The following ZNF766 variants were observed in gnomAD, a reference collection of about 807,000 sequenced individuals.
ZNF766 encodes zinc finger protein 766.
ZNF766 carries 13 observed loss-of-function variants against 13.2 expected under a neutral mutation model. That is an observed-to-expected ratio of 0.98 (90% confidence interval 0.64 to 1.56). The LOEUF (loss-of-function observed/expected upper bound fraction) is 1.56. Among genes scored for constraint, ZNF766 ranks in the 40% most tolerant of loss-of-function variants. The pLI is 0.00. For synonymous variants in ZNF766, 178 were observed against 187.6 expected, an observed-to-expected ratio of 0.95 and a Z score of 0.42; for missense variants, 521 against 552.2, an observed-to-expected ratio of 0.94 and a Z score of 0.57.
Position 52,292,267 on chromosome 19 carries a change from T to C in ZNF766, c.*1069T>C. ...GGACACTGCCTTTTCAGATTAAAGA[T>C]TGTCTGATTTAGAGACCATGGAGGT... On this transcript the variant is annotated 3_prime_UTR_variant, in exon 4 of 4. Coordinates refer to ENST00000439461, the MANE Select transcript of ZNF766 (RefSeq NM_001010851.3). 2 of 688,774 alleles carry C rather than the reference T, an allele frequency of 2.9e-6. No homozygotes were observed. Among genetic ancestry groups the C allele is most frequent in the Non-Finnish European group, 5.3e-6 (2 of 380,222 alleles). The allele number at this position is 688,774 out of a possible 1,614,324, so 42.7% of individuals were successfully genotyped here. A position where few individuals can be genotyped will look rare whatever the true frequency, so the allele number is the denominator to read the frequency against.
At chr19:52,284,051 T>A (rs1981685263) in intron 3 of ZNF766, among the ~76,000 whole-genome samples, 1 of 152,180 alleles carries the variant, frequency 6.6e-6, no homozygotes, top group East Asian at 1.9e-4. Flanking sequence ...GTCGTTTAGA[T>A]GTGTAATAGT....
intron 1 of ZNF766, 42 bp downstream of exon 1, chr19:52,269,673 G>C: frequency 6.2e-7 from 1 of 1,610,798 alleles, no homozygotes; most frequent in Non-Finnish European, 8.5e-7. Flanking sequence ...GCTTAGCGGT[G>C]CCCTCACGCT....
intron 1 of ZNF766, among the ~76,000 whole-genome samples, chr19:52,270,209 T>A (rs1237670574): frequency 6.6e-6 from 1 of 152,036 alleles, no homozygotes; most frequent in African/African-American, 2.4e-5. Context: ...ACTGTGCTCT[T>A]GAGGAGGTGG....
chr19:52,287,354 G>T (rs1240958696), intron 3 of ZNF766, among the ~76,000 whole-genome samples: 2 of 151,390 alleles, frequency 1.3e-5, no homozygotes, highest in East Asian at 3.9e-4. Flanking sequence ...TGTTGGTCAG[G>T]CTGGTCTTGA....
chr19:52,286,321 TC>T (rs202168976), intron 3 of ZNF766, among the ~76,000 whole-genome samples: 14,446 of 147,006 alleles, frequency 0.098, 1,294 homozygotes, highest in African/African-American at 0.23. Flanking sequence ...TGTTTTTCTT[TC>T]TTTTTTTTTT....
Position 52,290,531 on chromosome 19 carries a change from A to C in ZNF766, c.740A>C (p.Glu247Ala), listed in dbSNP as rs775626096. ...RTGEKPYKCK[E>A]CGKLFNRIAY... is the part of the protein sequence containing the mutation. ...GGAGAGAAACCTTACAAATGTAAAG[A>C]GTGTGGCAAGCTCTTCAATCGAATT... Residue 247 changes from glutamate (E) to alanine (A), a missense_variant, in exon 4 of 4, where the codon GAG becomes GCG. Transcript: ENST00000439461. 1.9e-6 allele frequency: 3 copies of C among 1,614,202 alleles called. No individual in the cohort carries two copies. The highest frequency in any genetic ancestry group is 2.2e-5 in the South Asian group (2 of 91,090).
intron 3 of ZNF766, 89 bp from the exon 4 acceptor site, chr19:52,289,977 G>C: frequency 1.4e-6 from 2 of 1,382,966 alleles, no homozygotes; most frequent in Admixed American, 4.8e-5. Context: ...CTCCAGCCTG[G>C]GTGGCAAAGC....
rs772440847 is a variant in ZNF766, at chr19:52,295,828, C to G, written c.*4630C>G. The G allele has an allele frequency of 6.6e-6, 1 of 151,196 alleles. No individual in the cohort carries two copies. The highest frequency in any genetic ancestry group is 2.5e-5 in the African/African-American group (1 of 40,770). The allele number at this position is 151,196 out of a possible 1,614,324, so 9.4% of individuals were successfully genotyped here. The stretch of plus-strand genomic sequence containing the variant: ...CTTCACCTCCCGGGAGCATGCTGCT[C>G]TATCTTTTTTTTCAGATGTTTGAGC... On this transcript the variant is annotated 3_prime_UTR_variant, in exon 4 of 4. Transcript: ENST00000439461.
rs760900436 is a variant in ZNF766, at chr19:52,290,536, G to C, written c.745G>C (p.Gly249Arg). Reference protein sequence around the residue: ...GEKPYKCKECGKLFNRIAYLA... With the variant: ...GEKPYKCKECRKLFNRIAYLA... ...GAAACCTTACAAATGTAAAGAGTGTGGCAAGCTCTTCAATCGAATTGCATA... is the reference window on the plus strand; with the variant it reads ...GAAACCTTACAAATGTAAAGAGTGTCGCAAGCTCTTCAATCGAATTGCATA... Residue 249 changes from glycine to arginine, a missense_variant, in exon 4 of 4, where the codon GGC becomes CGC. Physicochemically the swap from Gly to Arg is moderately radical, Grantham distance 125 (BLOSUM62 -2). Coordinates refer to ENST00000439461, the MANE Select transcript of ZNF766 (RefSeq NM_001010851.3). 1 of 1,614,118 alleles carries C rather than the reference G, an allele frequency of 6.2e-7. No individual in the cohort carries two copies. Among genetic ancestry groups the C allele is most frequent in the Non-Finnish European group, 8.5e-7 (1 of 1,180,018 alleles).
In ZNF766 at chr19:52,295,051, A is replaced by G. The variant is rs1198375532; in HGVS notation, c.*3853A>G. The G allele has an allele frequency of 2.6e-5, 4 of 151,732 alleles. No homozygotes were observed. Among genetic ancestry groups the G allele is most frequent in the Non-Finnish European group, 5.9e-5 (4 of 67,962 alleles). The allele number at this position is 151,732 out of a possible 1,614,324, so 9.4% of individuals were successfully genotyped here. On this transcript the variant is annotated 3_prime_UTR_variant, in exon 4 of 4. Coordinates refer to ENST00000439461, the MANE Select transcript of ZNF766 (RefSeq NM_001010851.3). ...CATTTTCCCGTTACAGCATCAAGCA[A>G]TATATTCCATGGTTCATTTTCAACT...
intron 1 of ZNF766, among the ~76,000 whole-genome samples, 179 bp downstream of exon 1, chr19:52,269,810 G>T (rs1257647012): frequency 6.6e-6 from 1 of 152,184 alleles, no homozygotes; most frequent in African/African-American, 2.4e-5. Flanking sequence ...GTCTCCGGTC[G>T]TTCTGCCGTA....
chr19:52,270,996 C>T (rs1980950260), intron 1 of ZNF766, among the ~76,000 whole-genome samples: 1 of 152,102 alleles, frequency 6.6e-6, no homozygotes, highest in Admixed American at 6.5e-5. Context: ...GTTGGCCTGA[C>T]GGGTCGTGAA....
In ZNF766 at chr19:52,283,406, C is replaced by A; in HGVS notation, c.267C>A (p.Ile89=). The change falls in exon 3 of 4, where the codon ATC becomes ATA. Residue 89 remains isoleucine, a synonymous_variant. Coordinates refer to ENST00000439461, the MANE Select transcript of ZNF766 (RefSeq NM_001010851.3). ...ATAGGTGGGAAGGTATCAAAGATAT[C>A]AACACAGGTAAGAGCTCAGATGGAC... ...NPDRWEGIKD[I]NTGRSCAVRS... 6.3e-7 allele frequency: 1 copy of A among 1,590,042 alleles called. No individual in the cohort carries two copies.
chr19:52,276,842 G>T (rs891505280), intron 1 of ZNF766, among the ~76,000 whole-genome samples: 1 of 152,172 alleles, frequency 6.6e-6, no homozygotes, highest in Non-Finnish European at 1.5e-5. Context: ...AAGAGGTGAG[G>T]GGGTGCTGTG....
chr19:52,269,856 T>G (rs949605618), intron 1 of ZNF766, among the ~76,000 whole-genome samples: 8 of 152,164 alleles, frequency 5.3e-5, no homozygotes, highest in African/African-American at 1.9e-4. Context: ...GCCGTTTTCC[T>G]GCTTAAAACC....
chr19:52,289,651 A>G (rs2122491267), intron 3 of ZNF766, among the ~76,000 whole-genome samples: 1 of 152,142 alleles, frequency 6.6e-6, no homozygotes, highest in East Asian at 1.9e-4. Flanking sequence ...CTATGCTGAT[A>G]TTTCTTCCAG....
At chr19:52,279,378 A>G (rs1158400114) in intron 1 of ZNF766, among the ~76,000 whole-genome samples, 1 of 152,130 alleles carries the variant, frequency 6.6e-6, no homozygotes, top group Admixed American at 6.6e-5. Flanking sequence ...ATTGCATATG[A>G]ATTTTAAAAT....
intron 3 of ZNF766, chr19:52,284,723 C>T (rs1390761400): frequency 1.3e-5 from 2 of 151,942 alleles, no homozygotes; most frequent in Admixed American, 1.3e-4. Context: ...GTTCCCTCGA[C>T]CCCCTTCTTC....
intron 3 of ZNF766, 21 bp from the exon 4 acceptor site, chr19:52,290,045 A>G: frequency 6.4e-7 from 1 of 1,570,324 alleles, no homozygotes; most frequent in African/African-American, 1.4e-5. Flanking sequence ...TTCAAATTAT[A>G]CTCTTTACTT....
Sources: gnomAD v4.1 joint callset for allele counts (sites outside exome capture counted in the v4.1 genomes callset) on GRCh38, gnomAD v4.1.1 for gene constraint, MANE v1.5 for transcripts, NCBI Gene and HGNC (gene_info 2026-07-23, HGNC 2026-07-21) for gene names.